Variants in NPAS3 observed in about 807,000 individuals in gnomAD.
NPAS3 encodes the protein neuronal PAS domain protein 3, also known as neuronal PAS domain-containing protein 3.
Under a neutral mutation model 73.1 loss-of-function variants are expected in NPAS3, and 14 were observed. That is an observed-to-expected ratio of 0.19 (90% confidence interval 0.13 to 0.30). The LOEUF (loss-of-function observed/expected upper bound fraction) is 0.30. Among genes scored for constraint, NPAS3 ranks in the 10% least tolerant of loss-of-function variants. The probability of loss-of-function intolerance (pLI) is 1.00; values close to 1 mark genes in which losing one functional copy is unlikely to be tolerated. For synonymous variants in NPAS3, 620 were observed against 541.5 expected (o/e 1.14, Z -2.01); for missense variants, 1,096 against 1,250.0 (o/e 0.88, Z 1.86).
intron 6 of NPAS3, among the ~76,000 whole-genome samples, chr14:33,703,536 TAA>T (rs1324807433): frequency 6.6e-6 from 1 of 152,084 alleles, no homozygotes; most frequent in African/African-American, 2.4e-5. Flanking sequence ...TTTATTCTCA[TAA>T]GTCTTAATTT....
chr14:33,316,827 G>A (rs570849931), intron 3 of NPAS3, among the ~76,000 whole-genome samples: 14 of 152,230 alleles, frequency 9.2e-5, no homozygotes, highest in Non-Finnish European at 2.1e-4. Flanking sequence ...ACCCCCAGGA[G>A]TGAGCCAGAA....
At chr14:33,654,471 T>C (rs1308236835) in intron 5 of NPAS3, among the ~76,000 whole-genome samples, 1 of 152,196 alleles carries the variant, frequency 6.6e-6, no homozygotes, top group Non-Finnish European at 1.5e-5. Context: ...ATATTTTATG[T>C]CCTAACCTTT....
intron 1 of NPAS3, among the ~76,000 whole-genome samples, chr14:33,019,736 G>C (rs2039525202): frequency 6.6e-6 from 1 of 152,196 alleles, no homozygotes; most frequent in Non-Finnish European, 1.5e-5. Context: ...TGCAACAACT[G>C]TAATAAACTA....
chr14:33,009,090 T>C (rs866316920), intron 1 of NPAS3, among the ~76,000 whole-genome samples: 14 of 152,166 alleles, frequency 9.2e-5, no homozygotes, highest in African/African-American at 1.9e-4. Flanking sequence ...ATCTTGTTTA[T>C]AGGTGGAGAA....
chr14:33,501,441 T>A (rs901726436), intron 4 of NPAS3, among the ~76,000 whole-genome samples: 1 of 151,890 alleles, frequency 6.6e-6, no homozygotes, highest in Non-Finnish European at 1.5e-5. Flanking sequence ...CTTTAAAAAT[T>A]TATTTTTATG....
chr14:33,110,760 A>G (rs560441688), intron 2 of NPAS3, among the ~76,000 whole-genome samples: 25 of 152,092 alleles, frequency 1.6e-4, no homozygotes, highest in African/African-American at 4.3e-4. Context: ...GCGCATTTCT[A>G]TATCTCTAGG....
chr14:33,701,527 A>G (rs1000928517), intron 6 of NPAS3, among the ~76,000 whole-genome samples: 3 of 152,204 alleles, frequency 2.0e-5, no homozygotes, highest in Admixed American at 2.0e-4. Flanking sequence ...TTTCAGTAGA[A>G]TCCTTCATTA....
chr14:33,155,893 C>T (rs1474381286), intron 2 of NPAS3, among the ~76,000 whole-genome samples: 2 of 152,182 alleles, frequency 1.3e-5, no homozygotes, highest in Admixed American at 1.3e-4. Flanking sequence ...TTTTACTACT[C>T]TAAAGAGACT....
At chr14:33,580,872 G>A in intron 5 of NPAS3, among the ~76,000 whole-genome samples, 1 of 150,990 alleles carries the variant, frequency 6.6e-6, no homozygotes, top group South Asian at 2.1e-4. Flanking sequence ...TGCTTTTGAA[G>A]AAATTCCCCT....
At chr14:33,537,883 G>A (rs2054325542) in intron 4 of NPAS3, among the ~76,000 whole-genome samples, 1 of 152,166 alleles carries the variant, frequency 6.6e-6, no homozygotes, top group African/African-American at 2.4e-5. Context: ...GGAGCACAGA[G>A]CACTGCTCGC....
rs571123719 is a variant in NPAS3, at chr14:33,221,745, A to G, written c.385+6319A>G. ...TAATCAACCTCTTTCTATCGCCACT[A>G]TTACCTTATTTTCCTGTAGCAACAT... On this transcript the variant is annotated intron_variant, in intron 3 of 11. Coordinates refer to ENST00000356141, the Ensembl canonical transcript of NPAS3. 3.9e-5 allele frequency among the ~76,000 whole-genome samples: 6 copies of G among 152,184 alleles called. No individual in the cohort carries two copies. The South Asian group carries it at 1.0e-3, about 26-fold the overall frequency.
chr14:33,101,237 T>C (rs1267637414), intron 2 of NPAS3, among the ~76,000 whole-genome samples: 1 of 152,140 alleles, frequency 6.6e-6, no homozygotes, highest in Non-Finnish European at 1.5e-5. Context: ...TCTTCCCTTA[T>C]TCAAAAATGC....
At chr14:33,694,596 C>A (rs17408730) in intron 6 of NPAS3, among the ~76,000 whole-genome samples, 4 of 151,886 alleles carry the variant, frequency 2.6e-5, no homozygotes, top group African/African-American at 9.7e-5. Flanking sequence ...ACAGGTCGAC[C>A]TGCCCTTTAT....
rs1162796520 is a variant in NPAS3 at position 33,020,690 on chromosome 14, C to A, written c.51-35215C>A. The stretch of plus-strand genomic sequence containing the variant: ...GCTCGCCTGCTTCTGCCACACCAAT[C>A]TTTAAAAAATATTGGTCTGCCTAAA... On this transcript the variant is annotated intron_variant, in intron 1 of 11. Coordinates refer to ENST00000356141, the Ensembl canonical transcript of NPAS3. 7.9e-5 allele frequency among the ~76,000 whole-genome samples: 12 copies of A among 151,646 alleles called. 1 individual carries two copies. Among genetic ancestry groups the A allele is most frequent in the Admixed American group, 5.9e-4 (9 of 15,250 alleles).
chr14:33,446,961 A>G (rs2049537365), intron 4 of NPAS3, among the ~76,000 whole-genome samples: 1 of 152,268 alleles, frequency 6.6e-6, no homozygotes, highest in South Asian at 2.1e-4. Context: ...TACCTATTGC[A>G]TAATGCATCT....
At chr14:33,204,974 A>C (rs752295142) in intron 2 of NPAS3, among the ~76,000 whole-genome samples, 1 of 152,178 alleles carries the variant, frequency 6.6e-6, no homozygotes, top group Non-Finnish European at 1.5e-5. Flanking sequence ...TCTCATGCTC[A>C]ATTTGGATCC....
At chr14:33,019,289 T>C (rs1236173484) in intron 1 of NPAS3, among the ~76,000 whole-genome samples, 4 of 152,254 alleles carry the variant, frequency 2.6e-5, no homozygotes, top group Non-Finnish European at 5.9e-5. Flanking sequence ...AGGAAAGTCA[T>C]TGTCCTCTAG....
chr14:33,343,608 A>T (rs527894119), intron 3 of NPAS3, among the ~76,000 whole-genome samples: 1 of 152,294 alleles, frequency 6.6e-6, no homozygotes, highest in African/African-American at 2.4e-5. Flanking sequence ...CTTCGGATTC[A>T]GCTCCTTAAA....
intron 4 of NPAS3, among the ~76,000 whole-genome samples, chr14:33,400,768 G>T (rs1034352885): frequency 6.6e-6 from 1 of 151,954 alleles, no homozygotes; most frequent in African/African-American, 2.4e-5. Flanking sequence ...GAGTAGTAGG[G>T]GGGCGTGGTG....
Sources: allele counts gnomAD v4.1 joint callset (sites outside exome capture counted in the v4.1 genomes callset), GRCh38; gene constraint gnomAD v4.1.1; transcripts MANE v1.5; gene names NCBI Gene and HGNC (gene_info 2026-07-23, HGNC 2026-07-21).